The following KCTD16 variants were observed in gnomAD, a reference collection of about 807,000 sequenced individuals.
KCTD16 encodes the protein potassium channel tetramerization domain containing 16.
KCTD16 carries 13 observed loss-of-function variants against 33.2 expected under a neutral mutation model. That is an observed-to-expected ratio of 0.39 (90% confidence interval 0.25 to 0.62). The LOEUF is 0.62. Among genes scored for constraint, KCTD16 ranks in the 20% least tolerant of loss-of-function variants. KCTD16 has a pLI of 0.50. For missense variants in KCTD16, 441 were observed against 525.1 expected (o/e 0.84, Z 1.57); for synonymous variants, 197 against 195.3 (o/e 1.01, Z -0.07).
intron 3 of KCTD16, among the ~76,000 whole-genome samples, chr5:144,355,157 C>T (rs185620120): frequency 8.9e-4 from 135 of 152,202 alleles, no homozygotes; most frequent in African/African-American, 2.7e-3. Context: ...GCCATGTTTA[C>T]GGCTTGCCCT....
rs182409426 is a variant in KCTD16, at chr5:144,384,672, A to G, written c.833-88988A>G. 8.1e-4 allele frequency among the ~76,000 whole-genome samples: 124 copies of G among 152,278 alleles called. No homozygotes were observed. The Middle Eastern group carries it at 0.01, about 13-fold the overall frequency. On this transcript the variant is annotated intron_variant, in intron 3 of 3. Coordinates refer to ENST00000512467, the MANE Select transcript of KCTD16 (RefSeq NM_020768.4). ...TCAAGATAAATTTTACAAATATTCT[A>G]TTGTTCCGTATTCATCATTAATGTT...
intron 3 of KCTD16, among the ~76,000 whole-genome samples, chr5:144,387,886 CA>C (rs1332096804): frequency 6.6e-6 from 1 of 152,018 alleles, no homozygotes; most frequent in East Asian, 1.9e-4. Flanking sequence ...TAACTAATCA[CA>C]AGGTCTAGTG....
chr5:144,339,490 A>G (rs1039923831), intron 3 of KCTD16, among the ~76,000 whole-genome samples: 13 of 152,076 alleles, frequency 8.5e-5, no homozygotes, highest in Non-Finnish European at 1.6e-4. Context: ...TATGAACTCA[A>G]TGTCTCAACG....
chr5:144,433,947 C>T (rs532013427), intron 3 of KCTD16, among the ~76,000 whole-genome samples: 1 of 152,282 alleles, frequency 6.6e-6, no homozygotes, highest in South Asian at 2.1e-4. Flanking sequence ...TTATCAGCCA[C>T]TGATTATGCT....
intron 3 of KCTD16, among the ~76,000 whole-genome samples, chr5:144,348,031 A>G (rs1337663804): frequency 3.9e-5 from 6 of 152,178 alleles, no homozygotes; most frequent in Non-Finnish European, 7.4e-5. Context: ...TAGTTTCTGC[A>G]TGTAAACCTT....
At chr5:144,329,613 T>C (rs2126890130) in intron 3 of KCTD16, among the ~76,000 whole-genome samples, 1 of 152,162 alleles carries the variant, frequency 6.6e-6, no homozygotes, top group Non-Finnish European at 1.5e-5. Context: ...ACAGATTTTG[T>C]TGGTGGCCTT....
chr5:144,423,910 C>T (rs1450858800), intron 3 of KCTD16, among the ~76,000 whole-genome samples: 1 of 152,062 alleles, frequency 6.6e-6, no homozygotes, highest in African/African-American at 2.4e-5. Context: ...ACATAAAATA[C>T]ATGAACACTA....
chr5:144,395,384 T>C (rs1348555540), intron 3 of KCTD16, among the ~76,000 whole-genome samples: 2 of 152,200 alleles, frequency 1.3e-5, no homozygotes, highest in African/African-American at 4.8e-5. Flanking sequence ...TCTTATAAAA[T>C]GTATCCACTG....
At chr5:144,355,627 T>A (rs1751553310) in intron 3 of KCTD16, among the ~76,000 whole-genome samples, 1 of 152,092 alleles carries the variant, frequency 6.6e-6, no homozygotes, top group Admixed American at 6.6e-5. Flanking sequence ...CAAACTCATA[T>A]CTCCTCCTAC....
At chr5:144,221,530 T>A (rs1169181596) in intron 3 of KCTD16, among the ~76,000 whole-genome samples, 2 of 152,144 alleles carry the variant, frequency 1.3e-5, no homozygotes, top group African/African-American at 4.8e-5. Context: ...TGGTTTTCTG[T>A]TCTTGTGTTA....
chr5:144,446,867 G>A (rs1449692838), intron 3 of KCTD16, among the ~76,000 whole-genome samples: 9 of 151,978 alleles, frequency 5.9e-5, no homozygotes, highest in East Asian at 5.8e-4. Context: ...ATACTATCTC[G>A]TGCCAGTTAG....
intron 2 of KCTD16, among the ~76,000 whole-genome samples, chr5:144,184,737 T>C (rs1171914670): frequency 2.0e-5 from 3 of 152,236 alleles, no homozygotes; most frequent in Non-Finnish European, 4.4e-5. Context: ...TATCTTATTA[T>C]GGTTTTTATT....
intron 3 of KCTD16, among the ~76,000 whole-genome samples, chr5:144,209,908 G>GTA (rs145389174): frequency 0.11 from 15,759 of 142,230 alleles, 1,032 homozygotes; most frequent in African/African-American, 0.18. Context: ...GTATATATAT[G>GTA]TATATATATA....
At chr5:144,270,997 A>G (rs959966365) in intron 3 of KCTD16, among the ~76,000 whole-genome samples, 2 of 151,996 alleles carry the variant, frequency 1.3e-5, no homozygotes, top group African/African-American at 4.8e-5. Flanking sequence ...GATTATACAT[A>G]TAACTAGTAA....
At chr5:144,454,069 T>C (rs1754007458) in intron 3 of KCTD16, among the ~76,000 whole-genome samples, 1 of 152,202 alleles carries the variant, frequency 6.6e-6, no homozygotes, top group South Asian at 2.1e-4. Context: ...CACATTTTTC[T>C]AATTAGTGTT....
At chr5:144,317,597 T>G (rs1463074088) in intron 3 of KCTD16, among the ~76,000 whole-genome samples, 2 of 152,166 alleles carry the variant, frequency 1.3e-5, no homozygotes, top group Non-Finnish European at 2.9e-5. Flanking sequence ...GAGCGTGCCA[T>G]TTTGTTTCTA....
At chr5:144,175,632 A>G (rs1362676571) in intron 2 of KCTD16, among the ~76,000 whole-genome samples, 1 of 152,226 alleles carries the variant, frequency 6.6e-6, no homozygotes, top group Non-Finnish European at 1.5e-5. Context: ...GAGGCCCTGG[A>G]GCCAGACTGC....
intron 3 of KCTD16, among the ~76,000 whole-genome samples, chr5:144,424,053 G>C (rs1753269655): frequency 6.6e-6 from 1 of 152,164 alleles, no homozygotes; most frequent in Admixed American, 6.6e-5. Flanking sequence ...TGAAAGGCTA[G>C]ATAAAGTTTA....
At position 144,375,774 on chromosome 5, in the gene KCTD16, G is replaced by T. The variant is rs576954470; in HGVS notation, c.833-97886G>T. Among the ~76,000 whole-genome samples, 69 of 152,182 alleles carry T rather than the reference G, an allele frequency of 4.5e-4. No homozygotes were observed. The South Asian group carries it at 0.013, about 30-fold the overall frequency. ...TTCCTAGGACCAATATTCTAGGACCGTCACATCAAACTCCTTCCCTTCCTT... is the reference window on the plus strand; with the variant it reads ...TTCCTAGGACCAATATTCTAGGACCTTCACATCAAACTCCTTCCCTTCCTT... On this transcript the variant is annotated intron_variant, in intron 3 of 3. Transcript: ENST00000512467.
Sources: allele counts gnomAD v4.1 joint callset (sites outside exome capture counted in the v4.1 genomes callset), GRCh38; gene constraint gnomAD v4.1.1; transcripts MANE v1.5; gene names NCBI Gene and HGNC (gene_info 2026-07-23, HGNC 2026-07-21).